SCGB2B2: variants seen among roughly 807,000 people sequenced by gnomAD.
The protein encoded by SCGB2B2 is secretoglobin-like protein.
Under a neutral mutation model 7.6 loss-of-function variants are expected in SCGB2B2, and 11 were observed. The observed-to-expected ratio is 1.45, with a 90% CI of 0.91 to 2.40. The LOEUF (loss-of-function observed/expected upper bound fraction) is 2.40. Among genes scored for constraint, SCGB2B2 ranks in the 30% most tolerant of loss-of-function variants. The pLI, the probability that SCGB2B2 is intolerant of heterozygous loss-of-function variation, is 0.00. For synonymous variants in SCGB2B2, 50 were observed against 48.6 expected, an observed-to-expected ratio of 1.03 and a Z score of -0.12; for missense variants, 104 against 115.4, an observed-to-expected ratio of 0.90 and a Z score of 0.45.
At chr19:34,630,370 A>C (rs1232262191) in intron 1 of SCGB2B2, among the ~76,000 whole-genome samples, 1 of 151,986 alleles carries the variant, frequency 6.6e-6, no homozygotes, top group African/African-American at 2.4e-5. Context: ...CTCATCTGAC[A>C]AAGGGCTAAT....
intron 1 of SCGB2B2, chr19:34,645,822 G>T (rs16969608): frequency 9.0e-4 from 213 of 236,200 alleles, no homozygotes; most frequent in African/African-American, 4.7e-3. Flanking sequence ...GCAGACATTT[G>T]CCAGGGGAGG....
chr19:34,587,203 C>T (rs571910316), downstream of SCGB2B2, among the ~76,000 whole-genome samples: 6 of 152,192 alleles, frequency 3.9e-5, no homozygotes, highest in East Asian at 3.9e-4. Flanking sequence ...CCACCACACC[C>T]GGCAATATGT....
At chr19:34,589,587 C>A (rs981728362), downstream of SCGB2B2, among the ~76,000 whole-genome samples, 2 of 152,128 alleles carry the variant, frequency 1.3e-5, no homozygotes, top group African/African-American at 4.8e-5. Flanking sequence ...GAGTTGGAGG[C>A]TGCAGGGAGG....
At chr19:34,609,280 TTCTC>T (rs1259357428) in intron 1 of SCGB2B2, among the ~76,000 whole-genome samples, 1 of 152,144 alleles carries the variant, frequency 6.6e-6, no homozygotes, top group Non-Finnish European at 1.5e-5. Flanking sequence ...AAGTCATCTC[TTCTC>T]TCTATTGATC....
chr19:34,604,485 A>G (rs2065723004), intron 1 of SCGB2B2, among the ~76,000 whole-genome samples: 1 of 152,230 alleles, frequency 6.6e-6, no homozygotes, highest in South Asian at 2.1e-4. Context: ...AGCCCAGCTT[A>G]TATCAGCTGA....
intron 1 of SCGB2B2, among the ~76,000 whole-genome samples, chr19:34,631,371 C>A (rs112130028): frequency 0.023 from 3,202 of 138,898 alleles, 111 homozygotes; most frequent in African/African-American, 0.082. Context: ...TATATTTTAT[C>A]TGTGGCCCAA....
chr19:34,663,949 C>T (rs1240551115), intron 1 of SCGB2B2, among the ~76,000 whole-genome samples: 3 of 152,028 alleles, frequency 2.0e-5, no homozygotes, highest in Non-Finnish European at 2.9e-5. Context: ...CCCAGCTCCT[C>T]CACAGCCGGG....
Position 34,632,110 on chromosome 19 carries a change from T to C in SCGB2B2, c.-2031-35516A>G, listed in dbSNP as rs1401242102. The C allele has an allele frequency of 3.9e-5, 6 of 152,224 alleles. No individual in the cohort carries two copies. In the East Asian group the frequency reaches 7.7e-4, roughly 20 times the overall value. The allele number at this position is 152,224 out of a possible 1,614,324, so 9.4% of individuals were successfully genotyped here. Reference sequence around the variant, plus strand: ...TAAAGCTGTGACCCCAAACCTCACATGGTATACAATATTCAAGAACTACCT... The same window carrying C: ...TAAAGCTGTGACCCCAAACCTCACACGGTATACAATATTCAAGAACTACCT... On this transcript the variant is annotated intron_variant, in intron 1 of 3. Coordinates refer to ENST00000601241, the MANE Select transcript of SCGB2B2 (RefSeq NM_001025591.4).
chr19:34,630,772 C>A (rs1292423570), intron 1 of SCGB2B2, among the ~76,000 whole-genome samples: 3 of 151,966 alleles, frequency 2.0e-5, no homozygotes, highest in Non-Finnish European at 4.4e-5. Flanking sequence ...GGGTATATAC[C>A]CAAAGGATTA....
intron 1 of SCGB2B2, among the ~76,000 whole-genome samples, chr19:34,675,072 T>C (rs2067889519): frequency 6.6e-6 from 1 of 152,168 alleles, no homozygotes; most frequent in Non-Finnish European, 1.5e-5. Context: ...TCAATCTCAT[T>C]AACAATTAAA....
rs553849185 is a variant in SCGB2B2, at chr19:34,664,674, T to A, written c.-2032+10956A>T. On this transcript the variant is annotated intron_variant, in intron 1 of 3. Transcript: ENST00000601241. ...GTGCTGTGTCACTGTTCCAGCAAAC[T>A]CCTTGTCCGGAAGCTCTAGGGCCCC... 1.7e-3 allele frequency among the ~76,000 whole-genome samples: 255 copies of A among 152,238 alleles called. 1 individual carries two copies. Among genetic ancestry groups the A allele is most frequent in the African/African-American group, 5.7e-3 (235 of 41,528 alleles).
At chr19:34,598,423 G>A (rs879616499) in intron 1 of SCGB2B2, among the ~76,000 whole-genome samples, 1 of 152,308 alleles carries the variant, frequency 6.6e-6, no homozygotes, top group Non-Finnish European at 1.5e-5. Flanking sequence ...CCTTGGGGCT[G>A]AGGATAGGGC....
At position 34,595,886 on chromosome 19, in the gene SCGB2B2, T is replaced by C. The variant is rs1385153229; in HGVS notation, c.-1323A>G. ...CACTCGGGTGCCAGTGCCGCTCCAA[T>C]AGCGGTTTGTGCCCTACTGTGTCAA... On this transcript the variant is annotated 5_prime_UTR_variant, in exon 2 of 4. Coordinates refer to ENST00000601241, the MANE Select transcript of SCGB2B2 (RefSeq NM_001025591.4). 1.3e-5 allele frequency: 2 copies of C among 152,256 alleles called. No homozygotes were observed. Among genetic ancestry groups the C allele is most frequent in the African/African-American group, 2.4e-5 (1 of 41,440 alleles). 9.4% of individuals were successfully genotyped at this position (152,256 alleles called of 1,614,324 possible).
chr19:34,590,232 C>CA (rs2065265507), downstream of SCGB2B2, among the ~76,000 whole-genome samples: 3 of 152,288 alleles, frequency 2.0e-5, no homozygotes, highest in East Asian at 3.9e-4. Context: ...CAAGGTCCTG[C>CA]ACAGCCCAAG....
At chr19:34,651,448 A>G (rs904789624) in intron 1 of SCGB2B2, among the ~76,000 whole-genome samples, 1 of 151,396 alleles carries the variant, frequency 6.6e-6, no homozygotes, top group Admixed American at 6.6e-5. Context: ...TGAAGGATAC[A>G]AAATCAACGT....
intron 1 of SCGB2B2, among the ~76,000 whole-genome samples, chr19:34,652,976 C>G (rs1284365108): frequency 6.6e-6 from 1 of 150,470 alleles, no homozygotes; most frequent in Non-Finnish European, 1.5e-5. Context: ...AACACGTGAA[C>G]AGATGAAAAA....
rs2065349807 is a variant in SCGB2B2, at chr19:34,593,425, T to C, written c.*130A>G. On this transcript the variant is annotated 3_prime_UTR_variant, in exon 4 of 4. Coordinates refer to ENST00000601241, the MANE Select transcript of SCGB2B2 (RefSeq NM_001025591.4). ...GCGGTCACAGCCAACCCCACACAGATGCCAGAACACAGAACTGAGCTGCAG... is the reference window on the plus strand; with the variant it reads ...GCGGTCACAGCCAACCCCACACAGACGCCAGAACACAGAACTGAGCTGCAG... The C allele has an allele frequency of 2.9e-6, 2 of 680,012 alleles. No individual in the cohort carries two copies. Among genetic ancestry groups the C allele is most frequent in the Non-Finnish European group, 5.1e-6 (2 of 390,340 alleles). The allele number at this position is 680,012 out of a possible 1,614,324, so 42.1% of individuals were successfully genotyped here.
intron 1 of SCGB2B2, chr19:34,635,268 G>A: frequency 3.5e-6 from 1 of 289,094 alleles, no homozygotes; most frequent in Admixed American, 3.8e-5. Context: ...ACTCCAGTGT[G>A]GACTTTCTCC....
In SCGB2B2 at chr19:34,632,267, C is replaced by G. The variant is rs1020934772; in HGVS notation, c.-2031-35673G>C. ...ATCAAAGGAAAAATAACACATTCAA[C>G]TTTGTCAACAGTAAAATTTTCTGCT... On this transcript the variant is annotated intron_variant, in intron 1 of 3. Transcript: ENST00000601241. Among the ~76,000 whole-genome samples, 5 of 152,146 alleles carry G rather than the reference C, an allele frequency of 3.3e-5. No homozygotes were observed. The East Asian group carries it at 9.6e-4, about 29-fold the overall frequency.
Sources: gnomAD v4.1 joint callset for allele counts (sites outside exome capture counted in the v4.1 genomes callset) on GRCh38, gnomAD v4.1.1 for gene constraint, MANE v1.5 for transcripts, NCBI Gene and HGNC (gene_info 2026-07-23, HGNC 2026-07-21) for gene names.